SNTG2: variants seen among roughly 807,000 people sequenced by gnomAD.
The protein encoded by SNTG2 is syntrophin gamma 2.
In SNTG2, 74 loss-of-function variants were observed where a neutral mutation model predicts 70.9. The ratio of observed to expected loss-of-function variants is 1.04; its 90% CI spans 0.86 to 1.27. The LOEUF (loss-of-function observed/expected upper bound fraction) is 1.27, where lower values mean the gene tolerates loss of function less well. Ranked by LOEUF, SNTG2 falls within the 50% of genes most tolerant of loss-of-function variation. The probability of loss-of-function intolerance (pLI) is 0.00; values close to 1 mark genes in which losing one functional copy is unlikely to be tolerated. For missense variants in SNTG2, 717 were observed against 690.7 expected, an observed-to-expected ratio of 1.04 and a Z score of -0.43; for synonymous variants, 278 against 273.8, an observed-to-expected ratio of 1.02 and a Z score of -0.15.
At chr2:1,234,695 C>T (rs1676490767) in intron 9 of SNTG2, among the ~76,000 whole-genome samples, 2 of 152,190 alleles carry the variant, frequency 1.3e-5, no homozygotes, top group African/African-American at 4.8e-5. Flanking sequence ...TGGGGCTCCA[C>T]GTGCATTCAC....
At chr2:1,365,209 A>C (rs1235721165) in intron 16 of SNTG2, among the ~76,000 whole-genome samples, 1 of 152,188 alleles carries the variant, frequency 6.6e-6, no homozygotes, top group Non-Finnish European at 1.5e-5. Flanking sequence ...AGGGCTGGGC[A>C]GGCCCTGGGT....
intron 15 of SNTG2, among the ~76,000 whole-genome samples, chr2:1,311,473 T>A (rs1680986610): frequency 6.6e-6 from 1 of 152,250 alleles, no homozygotes; most frequent in Non-Finnish European, 1.5e-5. Context: ...ACCTTAACTG[T>A]GAAGGATAAA....
intron 14 of SNTG2, among the ~76,000 whole-genome samples, chr2:1,284,422 G>A (rs1323535937): frequency 6.6e-6 from 1 of 152,178 alleles, no homozygotes; most frequent in Non-Finnish European, 1.5e-5. Flanking sequence ...TCTGGGATGC[G>A]AGCTCGGTGA....
intron 16 of SNTG2, among the ~76,000 whole-genome samples, chr2:1,360,722 C>T (rs534222097): frequency 3.9e-5 from 6 of 152,032 alleles, no homozygotes; most frequent in Non-Finnish European, 8.8e-5. Context: ...CATACGGTGT[C>T]TGATTTCACC....
chr2:1,300,623 G>A (rs1041253939), intron 14 of SNTG2, among the ~76,000 whole-genome samples: 1 of 152,176 alleles, frequency 6.6e-6, no homozygotes, highest in Non-Finnish European at 1.5e-5. Flanking sequence ...TCCTGATGTT[G>A]CTTCCGACAG....
chr2:1,173,107 C>G lies in SNTG2; in HGVS notation c.515C>G (p.Ser172Cys), dbSNP rs1671235317. 1.9e-6 allele frequency: 3 copies of G among 1,613,838 alleles called. No individual in the cohort carries two copies. The highest frequency in any genetic ancestry group is 1.3e-5 in the African/African-American group (1 of 74,908). ...TTTGCTGCAGGGTCCCCAGGGCCATCCAGCGACCACAGCAGTGGGGCCTCC... is the reference window on the plus strand; with the variant it reads ...TTTGCTGCAGGGTCCCCAGGGCCATGCAGCGACCACAGCAGTGGGGCCTCC... ...LKLPLGSPGP[S>C]SDHSSGASSP... is the part of the protein sequence containing the mutation. The change falls in exon 8 of 17, where the codon TCC (serine) becomes TGC (cysteine). Residue 172 changes from serine (S) to cysteine (C), a missense_variant. Coordinates refer to ENST00000308624, the MANE Select transcript of SNTG2 (RefSeq NM_018968.4).
At chr2:1,228,509 A>G (rs962581560) in intron 9 of SNTG2, among the ~76,000 whole-genome samples, 2 of 152,114 alleles carry the variant, frequency 1.3e-5, no homozygotes, top group African/African-American at 2.4e-5. Context: ...GCTTCCTTTT[A>G]TCAACAGATC....
chr2:1,281,409 T>TTG (rs1553272290), intron 14 of SNTG2, among the ~76,000 whole-genome samples: 15 of 2,434 alleles, frequency 6.2e-3, no homozygotes, highest in African/African-American at 0.017. Flanking sequence ...ATGTGGTGTG[T>TTG]TGTGTGTGTG....
chr2:979,653 T>G (rs13402150), intron 1 of SNTG2, among the ~76,000 whole-genome samples: 2 of 152,226 alleles, frequency 1.3e-5, no homozygotes, highest in African/African-American at 2.4e-5. Context: ...TTGTCTCTGG[T>G]CTTTTTCTGC....
chr2:1,309,575 C>T (rs904149449), intron 15 of SNTG2, among the ~76,000 whole-genome samples: 4 of 152,060 alleles, frequency 2.6e-5, no homozygotes, highest in East Asian at 1.9e-4. Context: ...CCAGGGATGC[C>T]GCTCTGGGCA....
At chr2:1,332,426 G>A (rs1231137483) in intron 16 of SNTG2, among the ~76,000 whole-genome samples, 1 of 152,098 alleles carries the variant, frequency 6.6e-6, no homozygotes, top group African/African-American at 2.4e-5. Context: ...AAACCATTAT[G>A]TGAAGCCAGT....
chr2:1,310,318 G>A (rs1182065940), intron 15 of SNTG2, among the ~76,000 whole-genome samples: 2 of 152,174 alleles, frequency 1.3e-5, no homozygotes, highest in Admixed American at 1.3e-4. Context: ...CTGTGTTGCT[G>A]TGGGTAATGT....
intron 6 of SNTG2, among the ~76,000 whole-genome samples, chr2:1,153,432 C>T (rs932979909): frequency 2.2e-4 from 33 of 152,188 alleles, no homozygotes; most frequent in Non-Finnish European, 3.7e-4. Context: ...ATTGCATTAT[C>T]GTTGTTCGAA....
At chr2:1,084,160 C>G (rs946540144) in intron 2 of SNTG2, among the ~76,000 whole-genome samples, 1 of 152,178 alleles carries the variant, frequency 6.6e-6, no homozygotes, top group Non-Finnish European at 1.5e-5. Flanking sequence ...ACGTTCTAGG[C>G]TGGCCCTTTC....
At chr2:1,101,731 A>G (rs951457178) in intron 4 of SNTG2, among the ~76,000 whole-genome samples, 1 of 152,170 alleles carries the variant, frequency 6.6e-6, no homozygotes, top group Non-Finnish European at 1.5e-5. Context: ...ATCAGTTAGA[A>G]CTAGGAATAC....
At chr2:1,114,711 C>T (rs1314351463) in intron 4 of SNTG2, among the ~76,000 whole-genome samples, 1 of 146,626 alleles carries the variant, frequency 6.8e-6, no homozygotes, top group African/African-American at 2.5e-5. Context: ...ATGTTTAACC[C>T]CTATAGTCCT....
intron 14 of SNTG2, among the ~76,000 whole-genome samples, chr2:1,287,720 C>T (rs80018795): frequency 1.1e-3 from 167 of 152,366 alleles, no homozygotes; most frequent in Middle Eastern, 6.8e-3. Flanking sequence ...AACAACTTCA[C>T]GCGCTGACAG....
At chr2:1,104,488 A>G (rs1017411541) in intron 4 of SNTG2, among the ~76,000 whole-genome samples, 2 of 152,166 alleles carry the variant, frequency 1.3e-5, no homozygotes, top group Non-Finnish European at 2.9e-5. Context: ...CTTTCTTTTT[A>G]TAGTTGAACT....
intron 13 of SNTG2, among the ~76,000 whole-genome samples, chr2:1,259,951 G>A (rs190461682): frequency 3.3e-5 from 5 of 152,222 alleles, no homozygotes; most frequent in Admixed American, 2.6e-4. Flanking sequence ...CCAGGCCCCC[G>A]CCCACCTGAC....
Sources: gnomAD v4.1 joint callset for allele counts (sites outside exome capture counted in the v4.1 genomes callset) on GRCh38, gnomAD v4.1.1 for gene constraint, MANE v1.5 for transcripts, NCBI Gene and HGNC (gene_info 2026-07-23, HGNC 2026-07-21) for gene names.